Variants in PLXDC2 observed in about 807,000 individuals in gnomAD.
The protein encoded by PLXDC2 is plexin domain-containing protein 2.
In PLXDC2, 40 loss-of-function variants were observed where a neutral mutation model predicts 68.9. The observed-to-expected ratio is 0.58, with a 90% CI of 0.45 to 0.76. The LOEUF (loss-of-function observed/expected upper bound fraction) is 0.76, where lower values mean the gene tolerates loss of function less well. Among genes scored for constraint, PLXDC2 ranks in the 30% least tolerant of loss-of-function variants. The pLI is 0.00. For missense variants in PLXDC2, 644 were observed against 661.9 expected, an observed-to-expected ratio of 0.97 and a Z score of 0.30; for synonymous variants, 243 against 234.2, an observed-to-expected ratio of 1.04 and a Z score of -0.34.
intron 1 of PLXDC2, among the ~76,000 whole-genome samples, chr10:19,960,544 T>C (rs1589557283): frequency 6.6e-6 from 1 of 152,296 alleles, no homozygotes; most frequent in Admixed American, 6.5e-5. Context: ...TCCTATTCTG[T>C]CCTCTACCCT....
chr10:20,187,581 A>C (rs1834703434), intron 9 of PLXDC2, among the ~76,000 whole-genome samples: 1 of 151,780 alleles, frequency 6.6e-6, no homozygotes, highest in Non-Finnish European at 1.5e-5. Context: ...CTAGCACATA[A>C]TTTACTTCAA....
At chr10:19,867,442 C>T (rs1837441919) in intron 1 of PLXDC2, among the ~76,000 whole-genome samples, 1 of 152,036 alleles carries the variant, frequency 6.6e-6, no homozygotes, top group Admixed American at 6.6e-5. Context: ...TTCTGTAGAA[C>T]GTCTCAGGGA....
At position 20,162,069 on chromosome 10, in the gene PLXDC2, AGAGAAG is replaced by A. The variant is rs1349668997; in HGVS notation, c.784-2396_784-2391del. Reference sequence around the variant, plus strand: ...GAGAGAGAGAGAGAGAGAGAGAGAGAGAGAAGGAAGGAAGGAAGGAAGGAAGGAAGG... The same window carrying A: ...GAGAGAGAGAGAGAGAGAGAGAGAGAGAAGGAAGGAAGGAAGGAAGGAAGG... On this transcript the variant is annotated intron_variant, in intron 6 of 13. Transcript: ENST00000377252. Among the ~76,000 whole-genome samples the A allele has an allele frequency of 5.4e-3, 155 of 28,852 alleles. 2 individuals carry two copies. The highest frequency in any genetic ancestry group is 0.015 in the Middle Eastern group (1 of 66). 18.9% of individuals were successfully genotyped at this position (28,852 alleles called of 152,430 possible).
chr10:20,263,427 C>A (rs1179870311), intron 13 of PLXDC2, among the ~76,000 whole-genome samples: 1 of 152,062 alleles, frequency 6.6e-6, no homozygotes, highest in Non-Finnish European at 1.5e-5. Flanking sequence ...CTAGGAAATA[C>A]CATCCTGACA....
At chr10:19,856,629 A>C (rs1391321934) in intron 1 of PLXDC2, among the ~76,000 whole-genome samples, 1 of 152,100 alleles carries the variant, frequency 6.6e-6, no homozygotes, top group African/African-American at 2.4e-5. Context: ...GTCTTTTTAC[A>C]TCCCTGTCTT....
At chr10:20,204,289 T>G (rs915099481) in intron 9 of PLXDC2, among the ~76,000 whole-genome samples, 1 of 152,182 alleles carries the variant, frequency 6.6e-6, no homozygotes, top group African/African-American at 2.4e-5. Flanking sequence ...TTTTTCAGTA[T>G]TTCTAAAGAA....
intron 4 of PLXDC2, among the ~76,000 whole-genome samples, chr10:20,072,617 T>C (rs943255094): frequency 2.0e-5 from 3 of 152,062 alleles, no homozygotes; most frequent in African/African-American, 7.2e-5. Flanking sequence ...GAGAAGTAGA[T>C]CTGGCCTGAT....
At chr10:19,964,527 A>T (rs990762836) in intron 1 of PLXDC2, among the ~76,000 whole-genome samples, 6 of 152,172 alleles carry the variant, frequency 3.9e-5, no homozygotes, top group Non-Finnish European at 8.8e-5. Context: ...AACAATCCCT[A>T]TAGGAAATAT....
intron 13 of PLXDC2, among the ~76,000 whole-genome samples, chr10:20,247,489 A>AT (rs1835615903): frequency 6.7e-6 from 1 of 149,786 alleles, no homozygotes; most frequent in Admixed American, 6.7e-5. Flanking sequence ...AAAAAAAAAA[A>AT]TTTCCTCCCT....
At chr10:20,101,832 C>A (rs7073542) in intron 4 of PLXDC2, among the ~76,000 whole-genome samples, 78 of 151,476 alleles carry the variant, frequency 5.1e-4, no homozygotes, top group African/African-American at 1.7e-3. Flanking sequence ...GAATCTCACT[C>A]TGTTGCCCAG....
chr10:20,009,563 G>T (rs1280203955), intron 2 of PLXDC2, among the ~76,000 whole-genome samples: 1 of 151,884 alleles, frequency 6.6e-6, no homozygotes, highest in Non-Finnish European at 1.5e-5. Context: ...CACAGAAGAT[G>T]AGAATGAAAG....
intron 5 of PLXDC2, among the ~76,000 whole-genome samples, chr10:20,146,856 T>A (rs1834087853): frequency 6.6e-6 from 1 of 152,116 alleles, no homozygotes; most frequent in Admixed American, 6.5e-5. Context: ...TTTTTAAATA[T>A]ATCAGATATT....
At chr10:19,818,459 T>C (rs1279620567) in intron 1 of PLXDC2, among the ~76,000 whole-genome samples, 1 of 152,040 alleles carries the variant, frequency 6.6e-6, no homozygotes, top group Non-Finnish European at 1.5e-5. Flanking sequence ...CGCCTGTCCC[T>C]GGTGTAAACT....
chr10:20,265,468 T>G (rs1188619383), intron 13 of PLXDC2, among the ~76,000 whole-genome samples: 5 of 152,214 alleles, frequency 3.3e-5, no homozygotes, highest in Non-Finnish European at 7.3e-5. Context: ...GCTTACAGCT[T>G]TTTTTATGTG....
intron 1 of PLXDC2, among the ~76,000 whole-genome samples, chr10:19,995,955 T>C (rs34258854): frequency 0.051 from 7,739 of 152,302 alleles, 254 homozygotes; most frequent in Middle Eastern, 0.11. Flanking sequence ...TATTAAATTC[T>C]GTGTGATGGG....
intron 1 of PLXDC2, among the ~76,000 whole-genome samples, chr10:19,997,152 G>A (rs1158714564): frequency 1.3e-5 from 2 of 152,154 alleles, no homozygotes; most frequent in Non-Finnish European, 2.9e-5. Flanking sequence ...CATTCTGTAA[G>A]CTTTATCTTC....
chr10:20,044,330 T>A (rs1412379502), intron 2 of PLXDC2, among the ~76,000 whole-genome samples: 1 of 148,898 alleles, frequency 6.7e-6, no homozygotes, highest in Non-Finnish European at 1.5e-5. Flanking sequence ...TTCCTTCTTT[T>A]TCTTGAGTCT....
At chr10:20,107,002 A>G (rs1208284471) in intron 4 of PLXDC2, among the ~76,000 whole-genome samples, 1 of 149,384 alleles carries the variant, frequency 6.7e-6, no homozygotes, top group African/African-American at 2.4e-5. Flanking sequence ...TATGTAGGGG[A>G]CATGTAGTGT....
intron 1 of PLXDC2, among the ~76,000 whole-genome samples, chr10:19,941,282 C>G (rs564512654): frequency 6.5e-4 from 99 of 152,336 alleles, no homozygotes; most frequent in African/African-American, 1.8e-3. Flanking sequence ...ATGCTACCCT[C>G]CCACACATGG....
Sources: gnomAD v4.1 joint callset for allele counts (sites outside exome capture counted in the v4.1 genomes callset) on GRCh38, gnomAD v4.1.1 for gene constraint, MANE v1.5 for transcripts, NCBI Gene and HGNC (gene_info 2026-07-23, HGNC 2026-07-21) for gene names.